SOS1: variants seen among roughly 807,000 people sequenced by gnomAD.
SOS1 encodes the protein son of sevenless homolog 1.
A neutral mutation model predicts 157.6 loss-of-function variants in SOS1; 25 were observed. The observed-to-expected ratio is 0.16, with a 90% confidence interval of 0.12 to 0.22. SOS1 has a LOEUF of 0.22. Ranked by LOEUF, SOS1 falls within the 10% of genes least tolerant of loss-of-function variation. The pLI, the probability that SOS1 is intolerant of heterozygous loss-of-function variation, is 1.00. For synonymous variants in SOS1, 528 were observed against 534.0 expected (o/e 0.99, Z 0.16); for missense variants, 1,237 against 1,599.1 (o/e 0.77, Z 3.86).
intron 2 of SOS1, among the ~76,000 whole-genome samples, chr2:39,062,583 T>A: frequency 1.4e-5 from 2 of 141,558 alleles, no homozygotes; most frequent in South Asian, 2.2e-4. Context: ...ATAAAAAGTC[T>A]AAGATAAAGA....
chr2:39,107,684 T>C (rs1003491310), intron 1 of SOS1, among the ~76,000 whole-genome samples: 3 of 147,608 alleles, frequency 2.0e-5, no homozygotes, highest in African/African-American at 7.6e-5. Context: ...AAAAAAAACC[T>C]AGCCATTTTA....
chr2:38,986,129 G>C lies in SOS1; in HGVS notation c.3697C>G (p.Leu1233Val), dbSNP rs777373438. The C allele has an allele frequency of 1.2e-6, 2 of 1,613,864 alleles. No individual in the cohort carries two copies. Among genetic ancestry groups the C allele is most frequent in the Non-Finnish European group, 1.7e-6 (2 of 1,179,890 alleles). The change falls in exon 23 of 23, where the codon CTC becomes GTC. Residue 1233 changes from leucine (L) to valine (V), a missense_variant. Around this residue, in one of 15 missense-constraint regions of SOS1, gnomAD observed 306 missense variants for 322.6 expected, o/e 0.95. Coordinates refer to ENST00000402219, the MANE Select transcript of SOS1 (RefSeq NM_005633.4). ...PDVFSSSPLH[L>V]QPPPLGKKSD... ...TTTTTGCCCAAAGGGGGAGGTTGGA[G>C]ATGTAGTGGTGAGCTTGAGAAAACA...
At chr2:39,104,704 T>A (rs1287281695) in intron 1 of SOS1, among the ~76,000 whole-genome samples, 1 of 152,198 alleles carries the variant, frequency 6.6e-6, no homozygotes, top group African/African-American at 2.4e-5. Flanking sequence ...GTGCAAAATG[T>A]CCACCTGAAT....
At chr2:38,992,352 T>C (rs1296027244) in intron 20 of SOS1, 1 of 151,956 alleles carries the variant, frequency 6.6e-6, no homozygotes, top group Admixed American at 6.6e-5. Context: ...ACAAAGGGAG[T>C]AGTAATAGGG....
intron 3 of SOS1, among the ~76,000 whole-genome samples, chr2:39,058,365 G>A (rs1671287639): frequency 6.6e-6 from 1 of 151,342 alleles, no homozygotes; most frequent in Admixed American, 6.6e-5. Flanking sequence ...AACAAGAAAG[G>A]AGGAGTTTTA....
intron 1 of SOS1, among the ~76,000 whole-genome samples, chr2:39,111,702 A>G (rs1572900675): frequency 6.7e-6 from 1 of 148,360 alleles, no homozygotes; most frequent in South Asian, 2.2e-4. Flanking sequence ...TAATTGTCTT[A>G]CCTGCTTCAT....
chr2:38,986,054 G>T lies in SOS1; in HGVS notation c.3772C>A (p.Pro1258Thr), dbSNP rs956446097. ...GGAGAAGGTGTTTGAGGAGGAGGTG[G>T]TGTAAAGGGGGAAGGGCTGTTTGGG... ...FFPNSPSPFTPPPPQTPSPHG... is the reference protein window; with the variant it reads ...FFPNSPSPFTTPPPQTPSPHG... Residue 1258 changes from proline to threonine, a missense_variant, in exon 23 of 23, where the codon CCA becomes ACA. Coordinates refer to ENST00000402219, the MANE Select transcript of SOS1 (RefSeq NM_005633.4). 20 of 1,613,868 alleles carry T rather than the reference G, an allele frequency of 1.2e-5. No homozygotes were observed. The highest frequency in any genetic ancestry group is 1.7e-5 in the Non-Finnish European group (20 of 1,179,928).
chr2:39,002,268 T>C (rs1669127854), intron 17 of SOS1, among the ~76,000 whole-genome samples: 1 of 151,808 alleles, frequency 6.6e-6, no homozygotes, highest in South Asian at 2.1e-4. Context: ...GAGGTTGCAG[T>C]GAGCCGAGAT....
At chr2:38,999,012 A>G (rs188381519) in intron 17 of SOS1, among the ~76,000 whole-genome samples, 21 of 152,354 alleles carry the variant, frequency 1.4e-4, no homozygotes, top group Admixed American at 5.9e-4. Flanking sequence ...AGGAGGTGCT[A>G]TATTAGTAGG....
At chr2:39,037,628 T>A (rs375710044) in intron 6 of SOS1, among the ~76,000 whole-genome samples, 1 of 142,130 alleles carries the variant, frequency 7.0e-6, no homozygotes, top group African/African-American at 2.6e-5. Context: ...TTTTTTTTTT[T>A]AACAAGTTGA....
At chr2:39,033,223 A>AG (rs1016460364) in intron 8 of SOS1, among the ~76,000 whole-genome samples, 1 of 149,348 alleles carries the variant, frequency 6.7e-6, no homozygotes, top group African/African-American at 2.5e-5. Flanking sequence ...GGTGTGCAGA[A>AG]AAAAAAAAAA....
chr2:38,985,726 A>G lies in SOS1; in HGVS notation c.*98T>C. On this transcript the variant is annotated 3_prime_UTR_variant, in exon 23 of 23. Transcript: ENST00000402219. Reference sequence around the variant, plus strand: ...TTGAAGAAGAGTCGTTAGTGTTTGGAGTTCTCATTTTAACTCCTCAGTGCT... The same window carrying G: ...TTGAAGAAGAGTCGTTAGTGTTTGGGGTTCTCATTTTAACTCCTCAGTGCT... 24 of 1,127,736 alleles carry G rather than the reference A, an allele frequency of 2.1e-5. No individual in the cohort carries two copies. The highest frequency in any genetic ancestry group is 1.8e-5 in the Non-Finnish European group (14 of 758,646). The allele number at this position is 1,127,736 out of a possible 1,614,324, so 69.9% of individuals were successfully genotyped here. A position where few individuals can be genotyped will look rare whatever the true frequency, so the allele number is the denominator to read the frequency against.
chr2:39,038,240 C>T (rs186754613), intron 6 of SOS1, among the ~76,000 whole-genome samples: 1 of 152,190 alleles, frequency 6.6e-6, no homozygotes, highest in African/African-American at 2.4e-5. Context: ...TCCACATTAA[C>T]AGGAGTTTGG....
At chr2:39,021,991 T>G (rs1487732668) in intron 10 of SOS1, among the ~76,000 whole-genome samples, 2 of 151,776 alleles carry the variant, frequency 1.3e-5, no homozygotes, top group Non-Finnish European at 3.0e-5. Context: ...TATTTACATT[T>G]CCTATGATTT....
Position 39,024,099 on chromosome 2 carries a change from T to C in SOS1, c.1113A>G (p.Glu371=), listed in dbSNP as rs759504287. ...EEKSEDQEDK[E]CLKQAITALL... ...AAGCTGTTATTGCTTGTTTTAAACA[T>C]TCCTTGTCTTCTTGATCTTCACTTT... is the stretch of plus-strand genomic sequence containing the variant. The change falls in exon 9 of 23, where the codon GAA becomes GAG. Residue 371 remains glutamate, a synonymous_variant. Transcript: ENST00000402219. The C allele has an allele frequency of 1.9e-6, 3 of 1,609,786 alleles. No individual in the cohort carries two copies. Among genetic ancestry groups the C allele is most frequent in the African/African-American group, 2.7e-5 (2 of 74,854 alleles).
intron 1 of SOS1, among the ~76,000 whole-genome samples, chr2:39,118,523 T>A (rs1673743173): frequency 6.6e-6 from 1 of 152,226 alleles, no homozygotes; most frequent in African/African-American, 2.4e-5. Flanking sequence ...TCCTATCACT[T>A]CTACTGCAAA....
At chr2:39,005,710 T>C (rs979790400) in intron 17 of SOS1, among the ~76,000 whole-genome samples, 1 of 151,852 alleles carries the variant, frequency 6.6e-6, no homozygotes, top group Non-Finnish European at 1.5e-5. Flanking sequence ...ATAAAAAATA[T>C]AGATGAGGAA....
At chr2:39,039,441 T>C (rs1419149433) in intron 6 of SOS1, among the ~76,000 whole-genome samples, 1 of 152,218 alleles carries the variant, frequency 6.6e-6, no homozygotes, top group African/African-American at 2.4e-5. Flanking sequence ...TTGTCAACAT[T>C]TGATACTATC....
upstream of SOS1, among the ~76,000 whole-genome samples, chr2:39,121,318 A>C (rs1673887255): frequency 2.6e-5 from 4 of 152,076 alleles, no homozygotes; most frequent in Admixed American, 2.6e-4. Context: ...CCCTTCTCGG[A>C]GTCCCTGGGC....
Sources: allele counts gnomAD v4.1 joint callset (sites outside exome capture counted in the v4.1 genomes callset), GRCh38; gene constraint gnomAD v4.1.1; regional missense constraint gnomAD v4.1.1; transcripts MANE v1.5; gene names NCBI Gene and HGNC (gene_info 2026-07-23, HGNC 2026-07-21).